CALN1: variants seen among roughly 807,000 people sequenced by gnomAD.
The protein encoded by CALN1 is calneuron 1.
Under a neutral mutation model 30.6 loss-of-function variants are expected in CALN1, and 17 were observed. The observed-to-expected ratio is 0.56, with a 90% CI of 0.38 to 0.83. The LOEUF is 0.83. CALN1 is among the 40% of genes least tolerant of loss of function. CALN1 has a pLI of 0.00. For synonymous variants in CALN1, 156 were observed against 131.4 expected (o/e 1.19, Z -1.28); for missense variants, 291 against 354.9 (o/e 0.82, Z 1.45).
At chr7:71,946,572 G>A (rs1796416881) in intron 5 of CALN1, among the ~76,000 whole-genome samples, 1 of 151,914 alleles carries the variant, frequency 6.6e-6, no homozygotes, top group Non-Finnish European at 1.5e-5. Context: ...GTATTGCCTA[G>A]GCCGGTCTTG....
At chr7:71,894,895 G>A (rs1437475833) in intron 5 of CALN1, among the ~76,000 whole-genome samples, 2 of 152,104 alleles carry the variant, frequency 1.3e-5, no homozygotes, top group East Asian at 3.8e-4. Context: ...CCATATTTCT[G>A]ACTGGTTATT....
chr7:71,884,941 C>G (rs1792811450), intron 5 of CALN1, among the ~76,000 whole-genome samples: 1 of 150,166 alleles, frequency 6.7e-6, no homozygotes, highest in Non-Finnish European at 1.5e-5. Flanking sequence ...CATCTATTGT[C>G]TCTAAGGGAA....
chr7:72,093,668 A>G (rs1806025403), intron 4 of CALN1, among the ~76,000 whole-genome samples: 1 of 152,108 alleles, frequency 6.6e-6, no homozygotes, highest in Admixed American at 6.5e-5. Context: ...GCTTCTGAAC[A>G]CCCTTGTAAG....
the CALN1 span, among the ~76,000 whole-genome samples, chr7:72,452,209 C>T: frequency 2.6e-4 from 39 of 152,060 alleles, no homozygotes; most frequent in African/African-American, 9.2e-4. Flanking sequence ...AACTGGAGGG[C>T]TTTAATTCAG....
intron 4 of CALN1, among the ~76,000 whole-genome samples, chr7:72,076,441 A>G: frequency 6.6e-6 from 1 of 151,490 alleles, no homozygotes; most frequent in Non-Finnish European, 1.5e-5. Context: ...TCTACTAAAA[A>G]TACAAAATTA....
At chr7:72,164,444 T>A (rs1312692134) in intron 3 of CALN1, among the ~76,000 whole-genome samples, 1 of 151,948 alleles carries the variant, frequency 6.6e-6, no homozygotes, top group East Asian at 1.9e-4. Context: ...TATACTCTTA[T>A]ATGCCAATGA....
At chr7:72,134,939 A>T (rs1258732785) in intron 3 of CALN1, among the ~76,000 whole-genome samples, 2 of 152,230 alleles carry the variant, frequency 1.3e-5, no homozygotes, top group African/African-American at 4.8e-5. Context: ...TACAACGTTC[A>T]CAATGCCATT....
intron 1 of CALN1, among the ~76,000 whole-genome samples, chr7:72,411,531 T>C (rs969987284): frequency 3.3e-5 from 5 of 152,244 alleles, no homozygotes; most frequent in African/African-American, 7.2e-5. Flanking sequence ...GACGTATCAG[T>C]TGTGTCACTG....
intron 1 of CALN1, among the ~76,000 whole-genome samples, chr7:72,421,572 A>AC (rs1807609752): frequency 1.6e-5 from 1 of 60,822 alleles, no homozygotes; most frequent in Non-Finnish European, 3.3e-5. Flanking sequence ...ATTTTATCCT[A>AC]CTTTTTTTTT....
chr7:72,226,137 A>C (rs1793659819), intron 3 of CALN1, among the ~76,000 whole-genome samples: 1 of 150,850 alleles, frequency 6.6e-6, no homozygotes, highest in Non-Finnish European at 1.5e-5. Flanking sequence ...GGTGCACGCT[A>C]AGAAGGCTGA....
intron 3 of CALN1, among the ~76,000 whole-genome samples, chr7:72,162,518 G>T (rs780636387): frequency 2.4e-4 from 36 of 151,986 alleles, no homozygotes; most frequent in Non-Finnish European, 4.4e-4. Flanking sequence ...CAGATCACTT[G>T]AGGACAGGAG....
chr7:71,997,177 G>C (rs576054826), intron 5 of CALN1, among the ~76,000 whole-genome samples: 1 of 151,920 alleles, frequency 6.6e-6, no homozygotes, highest in Non-Finnish European at 1.5e-5. Flanking sequence ...GGGTTGCAGT[G>C]AACTATGACT....
At chr7:72,006,492 A>AAAAT (rs1799779383) in intron 5 of CALN1, among the ~76,000 whole-genome samples, 1 of 152,212 alleles carries the variant, frequency 6.6e-6, no homozygotes, top group Non-Finnish European at 1.5e-5. Flanking sequence ...CCACTCTATT[A>AAAAT]AAAGACAAAT....
At chr7:72,315,243 GTAATAAA>G (rs1800358455) in intron 2 of CALN1, among the ~76,000 whole-genome samples, 1 of 150,674 alleles carries the variant, frequency 6.6e-6, no homozygotes, top group Non-Finnish European at 1.5e-5. Context: ...TTTGCAACAT[GTAATAAA>G]GGCTACTATT....
rs372997342 is a variant in CALN1, at chr7:72,048,823, G to T, written c.389-25054C>A. Among the ~76,000 whole-genome samples, 4 of 146,112 alleles carry T rather than the reference G, an allele frequency of 2.7e-5. No homozygotes were observed. In the South Asian group the frequency reaches 8.6e-4, roughly 31 times the overall value. The stretch of plus-strand genomic sequence containing the variant: ...TTCCTTCCTTCCTTCTCTTTCTTTC[G>T]ACAGGGTCTCACTGTGTTGCCCAGG... On this transcript the variant is annotated intron_variant, in intron 4 of 6. Transcript: ENST00000395275.
intron 2 of CALN1, among the ~76,000 whole-genome samples, chr7:72,395,940 A>G (rs1336847212): frequency 1.3e-5 from 2 of 151,942 alleles, no homozygotes; most frequent in East Asian, 3.9e-4. Flanking sequence ...GGACCTCCAA[A>G]TATATATATT....
At chr7:72,278,523 G>A (rs1221594988) in intron 3 of CALN1, among the ~76,000 whole-genome samples, 163 bp downstream of exon 3, 1 of 139,144 alleles carries the variant, frequency 7.2e-6, no homozygotes, top group Non-Finnish European at 1.6e-5. Context: ...ACGTCACTTG[G>A]GCAAAACTTT....
At chr7:71,940,189 A>G (rs1245952318) in intron 5 of CALN1, among the ~76,000 whole-genome samples, 2 of 152,156 alleles carry the variant, frequency 1.3e-5, no homozygotes, top group Non-Finnish European at 2.9e-5. Flanking sequence ...GAGACTGACA[A>G]AAATCTGATT....
chr7:72,346,072 TA>T (rs942869190), intron 2 of CALN1, among the ~76,000 whole-genome samples: 2 of 152,206 alleles, frequency 1.3e-5, no homozygotes, highest in Non-Finnish European at 2.9e-5. Flanking sequence ...AATGACAAGA[TA>T]AATTCACCGG....
Sources: allele counts gnomAD v4.1 joint callset (sites outside exome capture counted in the v4.1 genomes callset), GRCh38; gene constraint gnomAD v4.1.1; transcripts MANE v1.5; gene names NCBI Gene and HGNC (gene_info 2026-07-23, HGNC 2026-07-21).